The following DSCAM variants were observed in gnomAD, a reference collection of about 807,000 sequenced individuals.
DSCAM encodes DS cell adhesion molecule, also known as cell adhesion molecule DSCAM.
Under a neutral mutation model 217.7 loss-of-function variants are expected in DSCAM, and 47 were observed. That is an observed-to-expected ratio of 0.22 (90% CI 0.17 to 0.28). DSCAM has a LOEUF of 0.28. Ranked by LOEUF, DSCAM falls within the 10% of genes least tolerant of loss-of-function variation. The pLI, the probability that DSCAM is intolerant of heterozygous loss-of-function variation, is 1.00. For synonymous variants in DSCAM, 1,056 were observed against 1,015.3 expected, an observed-to-expected ratio of 1.04 and a Z score of -0.76; for missense variants, 2,080 against 2,618.3, an observed-to-expected ratio of 0.79 and a Z score of 4.49.
At chr21:40,814,679 A>G (rs1246840906) in intron 1 of DSCAM, among the ~76,000 whole-genome samples, 3 of 152,194 alleles carry the variant, frequency 2.0e-5, no homozygotes, top group African/African-American at 4.8e-5. Flanking sequence ...GAAAACGAAG[A>G]TGAGACGTTG....
At chr21:40,799,103 G>C (rs957034916) in intron 1 of DSCAM, among the ~76,000 whole-genome samples, 1 of 152,106 alleles carries the variant, frequency 6.6e-6, no homozygotes. Flanking sequence ...TAAAGAGAAA[G>C]CTTGGACCAA....
At chr21:40,194,711 C>T (rs2090989087) in intron 11 of DSCAM, among the ~76,000 whole-genome samples, 1 of 152,232 alleles carries the variant, frequency 6.6e-6, no homozygotes, top group Non-Finnish European at 1.5e-5. Flanking sequence ...GAGCATCCCT[C>T]TGACCTACTT....
At position 40,357,856 on chromosome 21, in the gene DSCAM, T is replaced by A. The variant is rs2074712411; in HGVS notation, c.656-4113A>T. 9.3e-5 allele frequency among the ~76,000 whole-genome samples: 7 copies of A among 74,994 alleles called. No individual in the cohort carries two copies. In the Admixed American group the frequency reaches 1.0e-3, roughly 11 times the overall value. 49.2% of individuals were successfully genotyped at this position (74,994 alleles called of 152,430 possible). On this transcript the variant is annotated intron_variant, in intron 4 of 32. Transcript: ENST00000400454. ...TGCACATGTACCCTAAAACTTAAAG[T>A]ATAATAAAAAAAAACAAAAACAAAA...
At chr21:40,489,337 T>A (rs1027506332) in intron 3 of DSCAM, among the ~76,000 whole-genome samples, 6 of 152,174 alleles carry the variant, frequency 3.9e-5, no homozygotes, top group East Asian at 1.9e-4. Context: ...CATCAGTTCC[T>A]TCCTGGGTCC....
chr21:40,735,637 T>C lies in DSCAM; in HGVS notation c.44-26866A>G, dbSNP rs192308039. 7.9e-5 allele frequency among the ~76,000 whole-genome samples: 12 copies of C among 152,306 alleles called. No individual in the cohort carries two copies. In the East Asian group the frequency reaches 2.3e-3, roughly 29 times the overall value. On this transcript the variant is annotated intron_variant, in intron 1 of 32. Coordinates refer to ENST00000400454, the MANE Select transcript of DSCAM (RefSeq NM_001389.5). ...TCAAAGAACAACCACCAGCACCTTA[T>C]AGGGTAGAGATTAGTCCTATTTTAA...
Position 40,078,648 on chromosome 21 carries a change from A to G in DSCAM, c.4711+39T>C, listed in dbSNP as rs376655180. 157 of 1,594,506 alleles carry G rather than the reference A, an allele frequency of 9.8e-5. 3 individuals are homozygous for G. The South Asian group carries it at 1.4e-3, about 15-fold the overall frequency. On this transcript the variant is annotated intron_variant, in intron 26 of 32. Coordinates refer to ENST00000400454, the MANE Select transcript of DSCAM (RefSeq NM_001389.5). ...GGCAGGGCCCACGTGCACATCCCCCAAGACACAAGCAGGAGAGCCACAAAG... is the reference window on the plus strand; with the variant it reads ...GGCAGGGCCCACGTGCACATCCCCCGAGACACAAGCAGGAGAGCCACAAAG...
At position 40,099,663 on chromosome 21, in the gene DSCAM, T is replaced by C. The variant is rs185932854; in HGVS notation, c.3697-5789A>G. ...TCCTGTTCTCTGGAAGTTTTAGCGA[T>C]GATCTTAAAGCGTGAGAATGCTCCT... On this transcript the variant is annotated intron_variant, in intron 20 of 32. Coordinates refer to ENST00000400454, the MANE Select transcript of DSCAM (RefSeq NM_001389.5). 4.3e-4 allele frequency among the ~76,000 whole-genome samples: 65 copies of C among 152,364 alleles called. 2 individuals are homozygous for C. The highest frequency in any genetic ancestry group is 4.2e-3 in the Admixed American group (64 of 15,304).
intron 11 of DSCAM, among the ~76,000 whole-genome samples, chr21:40,225,294 T>C (rs532576316): frequency 6.6e-6 from 1 of 152,280 alleles, no homozygotes; most frequent in East Asian, 1.9e-4. Flanking sequence ...TGACCATCAT[T>C]TCACGGCTGC....
intron 3 of DSCAM, among the ~76,000 whole-genome samples, chr21:40,377,703 G>T (rs555058090): frequency 6.6e-6 from 1 of 152,126 alleles, no homozygotes; most frequent in Admixed American, 6.5e-5. Flanking sequence ...CCAGGAAGGG[G>T]AGTGAAGGAA....
intron 3 of DSCAM, among the ~76,000 whole-genome samples, chr21:40,490,209 C>T (rs534171199): frequency 6.6e-5 from 10 of 152,240 alleles, no homozygotes; most frequent in Non-Finnish European, 8.8e-5. Flanking sequence ...TACCTCCTGC[C>T]GGGCCCCTCC....
intron 3 of DSCAM, among the ~76,000 whole-genome samples, chr21:40,570,849 G>A (rs893670000): frequency 6.6e-6 from 1 of 151,668 alleles, no homozygotes; most frequent in Non-Finnish European, 1.5e-5. Flanking sequence ...AATTAAACAT[G>A]AAAAAAATAA....
intron 3 of DSCAM, among the ~76,000 whole-genome samples, chr21:40,591,707 T>C (rs1455249158): frequency 6.6e-6 from 1 of 152,202 alleles, no homozygotes; most frequent in African/African-American, 2.4e-5. Flanking sequence ...TGGTCATAGT[T>C]ATAATAGGGA....
At chr21:40,398,037 G>A (rs2075197875) in intron 3 of DSCAM, among the ~76,000 whole-genome samples, 1 of 152,136 alleles carries the variant, frequency 6.6e-6, no homozygotes, top group African/African-American at 2.4e-5. Context: ...TTGAGAGTAA[G>A]CTTGTAGTTT....
At chr21:40,842,730 A>T (rs774077600) in intron 1 of DSCAM, among the ~76,000 whole-genome samples, 11 of 152,188 alleles carry the variant, frequency 7.2e-5, no homozygotes, top group Non-Finnish European at 1.5e-4. Context: ...ATTGGCAAAT[A>T]TTTTAGTCAA....
At chr21:40,375,146 C>T (rs1485961622) in intron 3 of DSCAM, among the ~76,000 whole-genome samples, 1 of 152,158 alleles carries the variant, frequency 6.6e-6, no homozygotes, top group Admixed American at 6.5e-5. Context: ...AACAGGAAGG[C>T]CCTCTGCTTC....
At chr21:40,589,587 G>GA (rs1027305891) in intron 3 of DSCAM, among the ~76,000 whole-genome samples, 8 of 151,936 alleles carry the variant, frequency 5.3e-5, no homozygotes, top group African/African-American at 1.2e-4. Flanking sequence ...AAAAAGAAAA[G>GA]AAAAAAACAC....
chr21:40,750,315 A>C (rs1460863914), intron 1 of DSCAM, among the ~76,000 whole-genome samples: 2 of 152,146 alleles, frequency 1.3e-5, no homozygotes, highest in Non-Finnish European at 2.9e-5. Context: ...ATGCTCTTGC[A>C]GTCACCAGTG....
chr21:40,230,342 G>T (rs2091370556), intron 11 of DSCAM, among the ~76,000 whole-genome samples: 1 of 152,126 alleles, frequency 6.6e-6, no homozygotes, highest in South Asian at 2.1e-4. Flanking sequence ...TTTTTGAAAG[G>T]TTTAAAATTA....
chr21:40,360,332 C>A (rs886862041), intron 4 of DSCAM, among the ~76,000 whole-genome samples: 4 of 151,680 alleles, frequency 2.6e-5, no homozygotes, highest in Admixed American at 2.6e-4. Context: ...GGCGGGGTTT[C>A]ACCGTGTTAG....
Sources: allele counts gnomAD v4.1 joint callset (sites outside exome capture counted in the v4.1 genomes callset), GRCh38; gene constraint gnomAD v4.1.1; transcripts MANE v1.5; gene names NCBI Gene and HGNC (gene_info 2026-07-23, HGNC 2026-07-21).